SPATA6: variants seen among roughly 807,000 people sequenced by gnomAD.
SPATA6 encodes the protein spermatogenesis associated 6.
Under a neutral mutation model 65.3 loss-of-function variants are expected in SPATA6, and 56 were observed. That is an observed-to-expected ratio of 0.86 (90% CI 0.69 to 1.07). The LOEUF is 1.07. Among genes scored for constraint, SPATA6 ranks in the 50% least tolerant of loss-of-function variants. The probability of loss-of-function intolerance (pLI) is 0.00; values close to 1 mark genes in which losing one functional copy is unlikely to be tolerated. For synonymous variants in SPATA6, 199 were observed against 213.2 expected, an observed-to-expected ratio of 0.93 and a Z score of 0.58; for missense variants, 590 against 594.8, an observed-to-expected ratio of 0.99 and a Z score of 0.08.
the SPATA6 span, among the ~76,000 whole-genome samples, chr1:48,290,002 G>A: frequency 6.6e-6 from 1 of 152,066 alleles, no homozygotes; most frequent in South Asian, 2.1e-4. Flanking sequence ...TAAAGAAAAC[G>A]CCACAAAGAT....
intron 3 of SPATA6, among the ~76,000 whole-genome samples, chr1:48,427,301 T>G (rs1051821116): frequency 1.3e-5 from 2 of 151,968 alleles, no homozygotes; most frequent in Non-Finnish European, 2.9e-5. Flanking sequence ...TATAATGCCT[T>G]AAAATACAAG....
rs535842846 is a variant in SPATA6, at chr1:48,446,077, C to G, written c.238+5475G>C. 2.0e-4 allele frequency among the ~76,000 whole-genome samples: 30 copies of G among 152,122 alleles called. No homozygotes were observed. In the South Asian group the frequency reaches 6.2e-3, roughly 32 times the overall value. ...GGGTATTCAAGGAGGAAGAGACTGTCAAGGAAGATGTAAAAAGAATTTAAA... is the reference window on the plus strand; with the variant it reads ...GGGTATTCAAGGAGGAAGAGACTGTGAAGGAAGATGTAAAAAGAATTTAAA... On this transcript the variant is annotated intron_variant, in intron 3 of 12. Coordinates refer to ENST00000371847, the MANE Select transcript of SPATA6 (RefSeq NM_019073.4).
chr1:48,339,678 A>T (rs1343127664), intron 11 of SPATA6, among the ~76,000 whole-genome samples: 1 of 152,064 alleles, frequency 6.6e-6, no homozygotes, highest in Non-Finnish European at 1.5e-5. Context: ...TCAGTAGAAG[A>T]CAAGATTAGT....
At chr1:48,414,145 G>T (rs1208838787) in intron 3 of SPATA6, among the ~76,000 whole-genome samples, 1 of 152,192 alleles carries the variant, frequency 6.6e-6, no homozygotes, top group Admixed American at 6.5e-5. Flanking sequence ...TGGAAGCTCA[G>T]TGCGGACAAG....
chr1:48,330,107 C>G (rs1645873068), intron 11 of SPATA6, among the ~76,000 whole-genome samples: 2 of 152,256 alleles, frequency 1.3e-5, no homozygotes, highest in South Asian at 4.1e-4. Flanking sequence ...GCCTCAGCAG[C>G]AACTTCCAGC....
At chr1:48,390,516 T>C (rs753262140) in intron 8 of SPATA6, among the ~76,000 whole-genome samples, 6 of 152,162 alleles carry the variant, frequency 3.9e-5, no homozygotes, top group Non-Finnish European at 5.9e-5. Flanking sequence ...GTAACTATTG[T>C]TAACAACATT....
chr1:48,340,085 G>A (rs1167524384), intron 11 of SPATA6, among the ~76,000 whole-genome samples: 1 of 151,532 alleles, frequency 6.6e-6, no homozygotes, highest in African/African-American at 2.4e-5. Context: ...CAAAATGATG[G>A]AAGATATCAG....
At chr1:48,364,239 G>A (rs1347571345) in intron 9 of SPATA6, among the ~76,000 whole-genome samples, 4 of 152,158 alleles carry the variant, frequency 2.6e-5, no homozygotes, top group African/African-American at 9.7e-5. Flanking sequence ...CTTTGCTATG[G>A]TGAATAGTGC....
chr1:48,409,686 A>T (rs949884986), intron 5 of SPATA6, among the ~76,000 whole-genome samples: 1 of 152,182 alleles, frequency 6.6e-6, no homozygotes, highest in Admixed American at 6.5e-5. Flanking sequence ...CCAAACCTCA[A>T]TTCTTGATTT....
intron 3 of SPATA6, among the ~76,000 whole-genome samples, chr1:48,417,534 G>A (rs955641137): frequency 6.6e-6 from 1 of 152,142 alleles, no homozygotes; most frequent in Non-Finnish European, 1.5e-5. Context: ...AAAACAGGGA[G>A]GCCGGATGAG....
chr1:48,387,661 C>A (rs1436981848), intron 8 of SPATA6, among the ~76,000 whole-genome samples: 2 of 152,202 alleles, frequency 1.3e-5, no homozygotes, highest in African/African-American at 4.8e-5. Flanking sequence ...CCTGACTCTG[C>A]CCCTCCTCCT....
At chr1:48,319,750 G>A (rs1645546261) in intron 11 of SPATA6, among the ~76,000 whole-genome samples, 1 of 151,942 alleles carries the variant, frequency 6.6e-6, no homozygotes, top group Non-Finnish European at 1.5e-5. Flanking sequence ...CTAACACAGC[G>A]AGCCACCTGG....
chr1:48,290,668 GA>G (rs1306426940), downstream of SPATA6, among the ~76,000 whole-genome samples: 1 of 150,478 alleles, frequency 6.6e-6, no homozygotes, highest in Non-Finnish European at 1.5e-5. Flanking sequence ...CAAGCAAATG[GA>G]AAACAAAAAA....
At chr1:48,267,128 T>C in the SPATA6 span, among the ~76,000 whole-genome samples, 1 of 152,224 alleles carries the variant, frequency 6.6e-6, no homozygotes, top group Admixed American at 6.5e-5. Context: ...AAAGTTCCCT[T>C]ATCCCCATCT....
intron 11 of SPATA6, among the ~76,000 whole-genome samples, chr1:48,314,594 G>T (rs1313253061): frequency 6.6e-6 from 1 of 152,186 alleles, no homozygotes; most frequent in East Asian, 1.9e-4. Flanking sequence ...AAGCAGGAAA[G>T]ATCTAAAATT....
intron 11 of SPATA6, 124 bp from the exon 12 acceptor site, chr1:48,306,002 A>C (rs1016883972): frequency 9.0e-6 from 6 of 668,490 alleles, no homozygotes; most frequent in Non-Finnish European, 1.5e-5. Context: ...AAGGGAATTA[A>C]ATGCTAGTGT....
Position 48,298,955 on chromosome 1 carries a change from G to A in SPATA6, c.1287-62C>T. 2.7e-6 allele frequency: 4 copies of A among 1,496,592 alleles called. No individual in the cohort carries two copies. In the South Asian group the frequency reaches 5.1e-5, roughly 19 times the overall value. 92.7% of individuals were successfully genotyped at this position (1,496,592 alleles called of 1,614,324 possible). On this transcript the variant is annotated intron_variant, in intron 12 of 12. Coordinates refer to ENST00000371847, the MANE Select transcript of SPATA6 (RefSeq NM_019073.4). ...GAAACAAAATTAGAGATAGTACTATGTAAATCAAATATTTATTGAGTACTC... is the reference window on the plus strand; with the variant it reads ...GAAACAAAATTAGAGATAGTACTATATAAATCAAATATTTATTGAGTACTC...
chr1:48,335,798 G>T, intron 11 of SPATA6, among the ~76,000 whole-genome samples: 1 of 152,032 alleles, frequency 6.6e-6, no homozygotes, highest in Non-Finnish European at 1.5e-5. Context: ...CTAATTAAAT[G>T]AAAGAGGTTT....
chr1:48,368,414 C>T (rs980495081), intron 9 of SPATA6, among the ~76,000 whole-genome samples: 16 of 152,306 alleles, frequency 1.1e-4, no homozygotes, highest in African/African-American at 2.6e-4. Flanking sequence ...TCATTCTCCC[C>T]GTCACTTTCA....
Sources: allele counts gnomAD v4.1 joint callset (sites outside exome capture counted in the v4.1 genomes callset), GRCh38; gene constraint gnomAD v4.1.1; transcripts MANE v1.5; gene names NCBI Gene and HGNC (gene_info 2026-07-23, HGNC 2026-07-21).